Variants in FHIT observed in about 807,000 individuals in gnomAD.
FHIT encodes fragile histidine triad diadenosine triphosphatase.
In FHIT, 19 loss-of-function variants were observed where a neutral mutation model predicts 17.9. That is an observed-to-expected ratio of 1.06 (90% CI 0.74 to 1.56). The LOEUF is 1.56. Among genes scored for constraint, FHIT ranks in the 40% most tolerant of loss-of-function variants. FHIT has a pLI of 0.00. For missense variants in FHIT, 248 were observed against 189.2 expected, an observed-to-expected ratio of 1.31 and a Z score of -1.82; for synonymous variants, 81 against 69.7, an observed-to-expected ratio of 1.16 and a Z score of -0.81.
At chr3:61,212,565 T>A (rs2039518584) in intron 1 of FHIT, among the ~76,000 whole-genome samples, 1 of 152,188 alleles carries the variant, frequency 6.6e-6, no homozygotes, top group African/African-American at 2.4e-5. Context: ...GGAACCAAGT[T>A]GGAAAACACT....
At chr3:61,047,695 C>T (rs1196358993) in intron 2 of FHIT, among the ~76,000 whole-genome samples, 1 of 152,160 alleles carries the variant, frequency 6.6e-6, no homozygotes, top group African/African-American at 2.4e-5. Context: ...GCCAAAAGAA[C>T]AAAGCTGGAG....
chr3:60,574,879 C>A (rs782130047), intron 4 of FHIT, among the ~76,000 whole-genome samples: 1 of 151,518 alleles, frequency 6.6e-6, no homozygotes, highest in East Asian at 2.0e-4. Flanking sequence ...TTGCCCCCCA[C>A]CCCCCATGTT....
At chr3:60,040,219 C>T (rs1701380291) in intron 5 of FHIT, among the ~76,000 whole-genome samples, 1 of 151,916 alleles carries the variant, frequency 6.6e-6, no homozygotes, top group African/African-American at 2.4e-5. Flanking sequence ...GATCTCGGCT[C>T]ACTGCAACCT....
At chr3:59,893,020 C>T (rs1443004258) in intron 8 of FHIT, among the ~76,000 whole-genome samples, 3 of 152,190 alleles carry the variant, frequency 2.0e-5, no homozygotes, top group African/African-American at 4.8e-5. Flanking sequence ...AGTTAACACA[C>T]TATATTTTAA....
chr3:60,915,372 A>G (rs1212421449), intron 3 of FHIT, among the ~76,000 whole-genome samples: 2 of 152,212 alleles, frequency 1.3e-5, no homozygotes, highest in Admixed American at 1.3e-4. Context: ...GGGGAAGAAG[A>G]GGGCTTATTA....
At chr3:60,131,492 A>T (rs1387959898) in intron 5 of FHIT, among the ~76,000 whole-genome samples, 1 of 152,080 alleles carries the variant, frequency 6.6e-6, no homozygotes, top group African/African-American at 2.4e-5. Flanking sequence ...GCACTATATG[A>T]TCCCATTATA....
At chr3:61,058,979 C>T (rs540111335) in intron 2 of FHIT, among the ~76,000 whole-genome samples, 30 of 152,316 alleles carry the variant, frequency 2.0e-4, no homozygotes, top group African/African-American at 5.3e-4. Flanking sequence ...CTCCTCCAAA[C>T]AAGTGTCCTT....
intron 3 of FHIT, chr3:60,912,758 C>T (rs1553766230): frequency 1.9e-6 from 1 of 517,018 alleles, no homozygotes; most frequent in South Asian, 1.4e-5. Context: ...TACCTTCTCA[C>T]AATTTGCAGA....
At chr3:60,590,245 A>G (rs1217410634) in intron 4 of FHIT, among the ~76,000 whole-genome samples, 1 of 152,056 alleles carries the variant, frequency 6.6e-6, no homozygotes, top group Non-Finnish European at 1.5e-5. Flanking sequence ...GCGGACATCA[A>G]AGATCTAATT....
At chr3:60,967,664 C>T (rs915037703) in intron 3 of FHIT, among the ~76,000 whole-genome samples, 2 of 151,622 alleles carry the variant, frequency 1.3e-5, no homozygotes, top group African/African-American at 2.4e-5. Context: ...TAAGAAAAAT[C>T]GAAAAAAGAG....
chr3:59,848,534 T>C (rs1443250857), intron 8 of FHIT, among the ~76,000 whole-genome samples: 1 of 152,192 alleles, frequency 6.6e-6, no homozygotes, highest in African/African-American at 2.4e-5. Flanking sequence ...TCTAAAATAA[T>C]AGAGATCTTA....
intron 4 of FHIT, among the ~76,000 whole-genome samples, chr3:60,701,975 A>C (rs2041258242): frequency 6.6e-6 from 1 of 152,128 alleles, no homozygotes; most frequent in Admixed American, 6.6e-5. Flanking sequence ...TCACTGTCAT[A>C]ATTTTCTCAG....
At chr3:60,393,442 T>A (rs551276658) in intron 5 of FHIT, among the ~76,000 whole-genome samples, 1 of 149,918 alleles carries the variant, frequency 6.7e-6, no homozygotes, top group African/African-American at 2.4e-5. Flanking sequence ...ATAACTTATG[T>A]ATATAATTAT....
chr3:60,922,894 T>G (rs1553768758), intron 3 of FHIT, among the ~76,000 whole-genome samples: 1 of 152,218 alleles, frequency 6.6e-6, no homozygotes, highest in Admixed American at 6.5e-5. Context: ...ACATGTACAA[T>G]TAGAGATGCC....
At chr3:59,977,574 G>A (rs212031) in intron 7 of FHIT, among the ~76,000 whole-genome samples, 143,202 of 152,224 alleles carry the variant, frequency 0.94, 67,906 homozygotes, top group Non-Finnish European at 1. Flanking sequence ...CTTTGTGTCA[G>A]GACTGAACAA....
At chr3:60,579,548 A>T (rs2037686211) in intron 4 of FHIT, among the ~76,000 whole-genome samples, 2 of 152,178 alleles carry the variant, frequency 1.3e-5, no homozygotes, top group South Asian at 4.1e-4. Context: ...TAACATGAGT[A>T]TGGTTAAAAT....
chr3:60,281,683 G>A (rs774328454), intron 5 of FHIT, among the ~76,000 whole-genome samples: 1 of 148,402 alleles, frequency 6.7e-6, no homozygotes, highest in African/African-American at 2.5e-5. Flanking sequence ...AACTCAAAAC[G>A]CATCACAGAA....
intron 7 of FHIT, among the ~76,000 whole-genome samples, chr3:59,934,419 G>C (rs1159472250): frequency 6.6e-6 from 1 of 152,076 alleles, no homozygotes; most frequent in East Asian, 1.9e-4. Context: ...TCTTCTGCAA[G>C]AGGGGCCCAT....
rs192616407 is a variant in FHIT at position 60,531,503 on chromosome 3, C to T, written c.103+5357G>A. On this transcript the variant is annotated intron_variant, in intron 5 of 9. Coordinates refer to ENST00000492590, the MANE Select transcript of FHIT (RefSeq NM_002012.4). Reference sequence around the variant, plus strand: ...CCGTGTTAGCCAGGATGGTCTCGATCTCCTGACCTCGTGATCCGCCCGCCT... The same window carrying T: ...CCGTGTTAGCCAGGATGGTCTCGATTTCCTGACCTCGTGATCCGCCCGCCT... Among the ~76,000 whole-genome samples, 717 of 152,132 alleles carry T rather than the reference C, an allele frequency of 4.7e-3. 6 individuals carry two copies. The highest frequency in any genetic ancestry group is 0.016 in the African/African-American group (665 of 41,512).
Sources: gnomAD v4.1 joint callset for allele counts (sites outside exome capture counted in the v4.1 genomes callset) on GRCh38, gnomAD v4.1.1 for gene constraint, MANE v1.5 for transcripts, NCBI Gene and HGNC (gene_info 2026-07-23, HGNC 2026-07-21) for gene names.